The following SRGAP2B variants were observed in gnomAD, a reference collection of about 807,000 sequenced individuals.
SRGAP2B encodes SLIT-ROBO Rho GTPase activating protein 2B.
Under a neutral mutation model 22.2 loss-of-function variants are expected in SRGAP2B, and 9 were observed. The ratio of observed to expected loss-of-function variants is 0.41; its 90% confidence interval spans 0.24 to 0.71. SRGAP2B has a LOEUF of 0.71. Among genes scored for constraint, SRGAP2B ranks in the 30% least tolerant of loss-of-function variants. The probability of loss-of-function intolerance (pLI) is 0.35; values close to 1 mark genes in which losing one functional copy is unlikely to be tolerated. For missense variants in SRGAP2B, 114 were observed against 235.8 expected, an observed-to-expected ratio of 0.48 and a Z score of 3.38; for synonymous variants, 36 against 87.4, an observed-to-expected ratio of 0.41 and a Z score of 3.28.
At chr1:144,948,821 A>G (rs1229845419) in intron 4 of SRGAP2B, among the ~76,000 whole-genome samples, 1 of 40,226 alleles carries the variant, frequency 2.5e-5, no homozygotes, top group Non-Finnish European at 4.1e-5. Context: ...TAATATCCCC[A>G]TCACAAGATC....
chr1:144,965,060 G>A, intron 3 of SRGAP2B: 9 of 1,144,012 alleles, frequency 7.9e-6, no homozygotes, highest in Non-Finnish European at 1.2e-5. Context: ...AGAAGCTGAA[G>A]ATAACAGCTG....
chr1:144,998,785 G>C (rs1324013320), intron 2 of SRGAP2B, among the ~76,000 whole-genome samples: 5 of 151,042 alleles, frequency 3.3e-5, no homozygotes, highest in African/African-American at 1.2e-4. Context: ...CAGAACAGTT[G>C]TTCTATCCAG....
chr1:144,932,451 C>A (rs1252109917), intron 4 of SRGAP2B, among the ~76,000 whole-genome samples: 1 of 151,134 alleles, frequency 6.6e-6, no homozygotes, highest in African/African-American at 2.5e-5. Flanking sequence ...GGCATTAGGG[C>A]TTTGCAGCCA....
Position 144,970,049 on chromosome 1 carries a change from G to A in SRGAP2B, c.261-14448C>T, listed in dbSNP as rs1388929747. Among the ~76,000 whole-genome samples the A allele has an allele frequency of 2.3e-3, 348 of 149,704 alleles. 23 individuals are homozygous for A. The highest frequency in any genetic ancestry group is 8.2e-3 in the African/African-American group (327 of 39,666). ...TACAAACACTTTTACACTGTTGGTG[G>A]GACTGTAAACTAGTTCAACCATTGT... On this transcript the variant is annotated intron_variant, in intron 3 of 9. Transcript: ENST00000612199.
chr1:144,927,441 G>A (rs1177415281), intron 4 of SRGAP2B, among the ~76,000 whole-genome samples: 1 of 150,504 alleles, frequency 6.6e-6, no homozygotes, highest in Non-Finnish European at 1.5e-5. Flanking sequence ...ATTTTTGAAG[G>A]GTATTCCTTT....
At chr1:144,959,193 G>T (rs1320181197) in intron 3 of SRGAP2B, among the ~76,000 whole-genome samples, 3 of 150,008 alleles carry the variant, frequency 2.0e-5, no homozygotes, top group Non-Finnish European at 1.5e-5. Context: ...GACCGTGGTT[G>T]GGTAGCGAAA....
At chr1:144,995,717 T>G (rs1670627934) in intron 2 of SRGAP2B, among the ~76,000 whole-genome samples, 1 of 149,030 alleles carries the variant, frequency 6.7e-6, no homozygotes, top group African/African-American at 2.6e-5. Context: ...CCCCATCATT[T>G]CAAAATGTTG....
At chr1:145,068,809 TA>T (rs1441708225) in intron 2 of SRGAP2B, among the ~76,000 whole-genome samples, 1 of 147,422 alleles carries the variant, frequency 6.8e-6, no homozygotes, top group Non-Finnish European at 1.5e-5. Flanking sequence ...TTTCTTTACT[TA>T]TGAGGCATAA....
chr1:144,931,511 A>G (rs1553605630), intron 4 of SRGAP2B, among the ~76,000 whole-genome samples: 4 of 150,620 alleles, frequency 2.7e-5, no homozygotes, highest in Non-Finnish European at 5.9e-5. Flanking sequence ...AATTCATCAG[A>G]TATATTCTGC....
At chr1:145,044,650 T>TAAAAAAAAAAAAAAAAAGAAAAAAAA (rs1649546871) in intron 2 of SRGAP2B, among the ~76,000 whole-genome samples, 1 of 30,662 alleles carries the variant, frequency 3.3e-5, no homozygotes, top group Non-Finnish European at 5.6e-5. Flanking sequence ...AACCCCCTCC[T>TAAAAAAAAAAAAAAAAAGAAAAAAAA]AAAAAAAAAA....
intron 4 of SRGAP2B, among the ~76,000 whole-genome samples, chr1:144,930,560 T>C (rs1665091372): frequency 6.7e-6 from 1 of 149,548 alleles, no homozygotes; most frequent in South Asian, 2.1e-4. Context: ...AAAAGCTCTA[T>C]ATGGGGCCAT....
At chr1:144,951,723 GACAA>G (rs1666887662) in intron 4 of SRGAP2B, among the ~76,000 whole-genome samples, 1 of 139,576 alleles carries the variant, frequency 7.2e-6, no homozygotes, top group Non-Finnish European at 1.5e-5. Flanking sequence ...TTTTGCTAGT[GACAA>G]ACAGACCCAA....
chr1:144,990,880 T>C (rs1670144717), intron 3 of SRGAP2B, among the ~76,000 whole-genome samples: 1 of 151,342 alleles, frequency 6.6e-6, no homozygotes, highest in Non-Finnish European at 1.5e-5. Flanking sequence ...CTTAGCTGCC[T>C]TCCCGCGGGG....
In SRGAP2B at chr1:144,974,005, C is replaced by A. The variant is rs1668722989; in HGVS notation, c.261-18404G>T. ...CACAGAGGCCCCAGCCTTACCTTCT[C>A]TATATGAAAAGGACATAGGACATAA... On this transcript the variant is annotated intron_variant, in intron 3 of 9. Coordinates refer to ENST00000612199, the Ensembl canonical transcript of SRGAP2B. Among the ~76,000 whole-genome samples the A allele has an allele frequency of 1.3e-5, 2 of 150,706 alleles. 1 individual carries two copies.
chr1:144,926,812 T>C (rs1198866296), intron 4 of SRGAP2B, among the ~76,000 whole-genome samples: 1 of 146,526 alleles, frequency 6.8e-6, no homozygotes, highest in Non-Finnish European at 1.5e-5. Flanking sequence ...TGAGCTATAA[T>C]TGTGCCACCG....
chr1:144,944,949 G>A (rs1301329872), intron 4 of SRGAP2B, among the ~76,000 whole-genome samples: 4 of 146,932 alleles, frequency 2.7e-5, no homozygotes, highest in Non-Finnish European at 5.9e-5. Context: ...TAGTAGAGAC[G>A]GGGTTTCACC....
chr1:144,927,335 C>T (rs1468608190), intron 4 of SRGAP2B, among the ~76,000 whole-genome samples: 3 of 150,418 alleles, frequency 2.0e-5, no homozygotes, highest in Non-Finnish European at 2.9e-5. Flanking sequence ...TTCCTTCTGC[C>T]TAAATAATGC....
chr1:145,020,990 A>G (rs1249403566), intron 2 of SRGAP2B, among the ~76,000 whole-genome samples: 2 of 149,778 alleles, frequency 1.3e-5, no homozygotes, highest in Non-Finnish European at 2.9e-5. Context: ...TTATTTTTGC[A>G]TTTTTAGTAT....
chr1:144,899,682 T>C (rs1176095887), intron 7 of SRGAP2B, among the ~76,000 whole-genome samples: 149 of 139,802 alleles, frequency 1.1e-3, no homozygotes, highest in African/African-American at 2.8e-3. Context: ...TACTTAATCC[T>C]TCTGGGCCTC....
Sources: allele counts gnomAD v4.1 joint callset (sites outside exome capture counted in the v4.1 genomes callset), GRCh38; gene constraint gnomAD v4.1.1; transcripts MANE v1.5; gene names NCBI Gene and HGNC (gene_info 2026-07-23, HGNC 2026-07-21).